The following ARSF variants were observed in gnomAD, a reference collection of about 807,000 sequenced individuals.
ARSF encodes the protein arylsulfatase F.
A neutral mutation model predicts 35.4 loss-of-function variants in ARSF; 33 were observed. The observed-to-expected ratio is 0.93, with a 90% CI of 0.71 to 1.25. ARSF has a LOEUF of 1.25. Ranked by LOEUF, ARSF falls within the 50% of genes most tolerant of loss-of-function variation. The probability of loss-of-function intolerance (pLI) is 0.00; values close to 1 mark genes in which losing one functional copy is unlikely to be tolerated. For synonymous variants in ARSF, 222 were observed against 193.1 expected, an observed-to-expected ratio of 1.15 and a Z score of -1.24; for missense variants, 501 against 480.2, an observed-to-expected ratio of 1.04 and a Z score of -0.40.
intron 1 of ARSF, among the ~76,000 whole-genome samples, chrX:3,053,440 T>C (rs1467094369): frequency 9.3e-6 from 1 of 108,073 alleles, no homozygotes; most frequent in Non-Finnish European, 1.9e-5. Context: ...GCAATTCTAG[T>C]GCCTCAGCCT....
intron 7 of ARSF, among the ~76,000 whole-genome samples, chrX:3,094,350 T>C (rs1416997350): frequency 9.0e-6 from 1 of 111,537 alleles, no homozygotes; most frequent in Admixed American, 9.6e-5. Flanking sequence ...TTCTCTGAAG[T>C]CTCCAGTAGC....
At chrX:3,107,964 T>C (rs1453169242) in intron 9 of ARSF, among the ~76,000 whole-genome samples, 1 of 112,241 alleles carries the variant, frequency 8.9e-6, no homozygotes, top group Non-Finnish European at 1.9e-5. Context: ...ACATTTAGGC[T>C]TATGGTCCAC....
intron 9 of ARSF, among the ~76,000 whole-genome samples, chrX:3,105,846 T>C (rs1003731842): frequency 8.9e-6 from 1 of 112,465 alleles, no homozygotes; most frequent in Non-Finnish European, 1.9e-5. Flanking sequence ...CCAGCTTTCC[T>C]GTTCTACCAT....
At chrX:3,110,357 C>T in intron 10 of ARSF, 105 bp downstream of exon 10, 1 of 862,060 alleles carries the variant, frequency 1.2e-6, no homozygotes, top group Non-Finnish European at 1.5e-6. Flanking sequence ...CCTTTCATTC[C>T]AGGGCTCACT....
At chrX:3,077,269 G>A (rs2147503577) in intron 4 of ARSF, among the ~76,000 whole-genome samples, 1 of 112,063 alleles carries the variant, frequency 8.9e-6, no homozygotes, top group South Asian at 3.7e-4. Flanking sequence ...AAGCTGTCTT[G>A]GAATGAAGTA....
intron 1 of ARSF, among the ~76,000 whole-genome samples, chrX:3,054,330 C>T (rs773465291): frequency 1.3e-4 from 14 of 111,749 alleles, no homozygotes; most frequent in African/African-American, 3.6e-4. Context: ...ACATCACCCC[C>T]GGTTCTCAGG....
chrX:3,109,574 A>G (rs936181139), intron 9 of ARSF, among the ~76,000 whole-genome samples: 14 of 110,073 alleles, frequency 1.3e-4, no homozygotes, highest in African/African-American at 4.6e-4. Flanking sequence ...TAGTTTTTCA[A>G]CCCTTCCCTC....
At position 3,076,557 on chromosome X, in the gene ARSF, C is replaced by T. The variant is rs745918230; in HGVS notation, c.171C>T (p.His57=). The change falls in exon 4 of 11, where the codon CAC becomes CAT. Residue 57 remains histidine (H), a synonymous_variant. Coordinates refer to ENST00000381127, the MANE Select transcript of ARSF (RefSeq NM_001201539.2). ...CCCTCTCCCCCTTCAGGACGCCTCA[C>T]ATCGACCGCCTTGCCAGGGAAGGCG... The part of the protein sequence containing the change: ...CYGNDTMRTP[H]IDRLAREGVR... The T allele has an allele frequency of 3.3e-6, 4 of 1,205,429 alleles. No homozygotes were observed. Among genetic ancestry groups the T allele is most frequent in the Non-Finnish European group, 4.5e-6 (4 of 892,672 alleles).
intron 9 of ARSF, among the ~76,000 whole-genome samples, chrX:3,108,122 G>A (rs1328655051): frequency 8.9e-6 from 1 of 111,798 alleles, no homozygotes; most frequent in Non-Finnish European, 1.9e-5. Flanking sequence ...AGCAGTATAC[G>A]TGTTGGTCAA....
chrX:3,090,189 T>C (rs916617160), intron 7 of ARSF, among the ~76,000 whole-genome samples: 1 of 112,122 alleles, frequency 8.9e-6, no homozygotes, highest in Non-Finnish European at 1.9e-5. Flanking sequence ...TTTTATTGTG[T>C]ATTTTAAGAT....
chrX:3,076,497 C>T (rs368918666), intron 3 of ARSF, 51 bp from the exon 4 acceptor site: 61 of 1,142,804 alleles, frequency 5.3e-5, no homozygotes, highest in East Asian at 5.3e-4. Flanking sequence ...CTGCTTCCCC[C>T]GCCCCCCACC....
intron 1 of ARSF, among the ~76,000 whole-genome samples, chrX:3,052,047 T>C (rs2089999113): frequency 9.0e-6 from 1 of 111,691 alleles, no homozygotes. Context: ...ACTTGTATTC[T>C]ATTGTCTCCC....
intron 1 of ARSF, among the ~76,000 whole-genome samples, chrX:3,061,737 AAC>A (rs2090042922): frequency 8.9e-6 from 1 of 112,031 alleles, no homozygotes; most frequent in Admixed American, 9.5e-5. Context: ...GGATCAATTC[AAC>A]AAGAAGACCT....
chrX:3,066,889 T>A (rs993401533), intron 1 of ARSF: 2 of 100,930 alleles, frequency 2.0e-5, no homozygotes, highest in African/African-American at 3.6e-5. Flanking sequence ...TGGGGAAGGC[T>A]TGTTTGGACA....
At chrX:3,083,766 T>C (rs2090223175) in intron 5 of ARSF, among the ~76,000 whole-genome samples, 1 of 111,650 alleles carries the variant, frequency 9.0e-6, no homozygotes, top group Non-Finnish European at 1.9e-5. Context: ...TATCTATGTA[T>C]ACATCTATTC....
At chrX:3,054,607 C>G (rs2090009944) in intron 1 of ARSF, among the ~76,000 whole-genome samples, 1 of 110,964 alleles carries the variant, frequency 9.0e-6, no homozygotes, top group Non-Finnish European at 1.9e-5. Context: ...CCTAAGTGTC[C>G]TCTTAAAACC....
rs758027747 is a variant in ARSF, at chrX:3,092,180, C to G, written c.967+2548C>G. Among the ~76,000 whole-genome samples, 356 of 105,850 alleles carry G rather than the reference C, an allele frequency of 3.4e-3. 1 individual carries two copies. The highest frequency in any genetic ancestry group is 9.8e-3 in the Middle Eastern group (2 of 205). 91.9% of individuals were successfully genotyped at this position (105,850 alleles called of 115,157 possible). On this transcript the variant is annotated intron_variant, in intron 7 of 10. Coordinates refer to ENST00000381127, the MANE Select transcript of ARSF (RefSeq NM_001201539.2). ...TAGGTAGATAGATGATAGATAGATA[C>G]ATACATACATACATACATACATACA...
chrX:3,105,022 A>G lies in ARSF; in HGVS notation c.1265+1098A>G, dbSNP rs745700419. Among the ~76,000 whole-genome samples, 5 of 111,837 alleles carry G rather than the reference A, an allele frequency of 4.5e-5. No individual in the cohort carries two copies. In the South Asian group the frequency reaches 1.9e-3, roughly 42 times the overall value. ...TTCCCTGGCAGCAACCAGCCTAGGT[A>G]GGTTTGCTGCTGATTGACAGTTCAT... On this transcript the variant is annotated intron_variant, in intron 9 of 10. Transcript: ENST00000381127.
At chrX:3,095,238 T>A (rs958396273) in intron 7 of ARSF, among the ~76,000 whole-genome samples, 1 of 109,349 alleles carries the variant, frequency 9.1e-6, no homozygotes, top group Non-Finnish European at 1.9e-5. Flanking sequence ...ATATTAAGAA[T>A]ACAAACAACT....
Sources: gnomAD v4.1 joint callset for allele counts (sites outside exome capture counted in the v4.1 genomes callset) on GRCh38, gnomAD v4.1.1 for gene constraint, MANE v1.5 for transcripts, NCBI Gene and HGNC (gene_info 2026-07-23, HGNC 2026-07-21) for gene names.